Variants in RBFOX1 observed in about 807,000 individuals in gnomAD.
The protein encoded by RBFOX1 is RNA binding protein fox-1 homolog 1.
A neutral mutation model predicts 57.7 loss-of-function variants in RBFOX1; 8 were observed. The observed-to-expected ratio is 0.14, with a 90% CI of 0.08 to 0.25. The LOEUF is 0.25. RBFOX1 is among the 10% of genes least tolerant of loss of function. The pLI is 1.00. For synonymous variants in RBFOX1, 326 were observed against 222.4 expected (o/e 1.47, Z -4.15); for missense variants, 611 against 548.5 (o/e 1.11, Z -1.14).
intron 3 of RBFOX1, among the ~76,000 whole-genome samples, chr16:5,699,808 C>T (rs144031778): frequency 2.4e-4 from 36 of 152,242 alleles, no homozygotes; most frequent in African/African-American, 7.9e-4. Flanking sequence ...TTTTAGCAGA[C>T]ATTATCTTTG....
Position 6,190,854 on chromosome 16 carries a change from G to A in RBFOX1, c.-126-126141G>A, listed in dbSNP as rs570491756. Among the ~76,000 whole-genome samples the A allele has an allele frequency of 1.2e-4, 19 of 152,248 alleles. No homozygotes were observed. The East Asian group carries it at 2.9e-3, about 23-fold the overall frequency. On this transcript the variant is annotated intron_variant, in intron 1 of 15. Transcript: ENST00000550418. ...TTAAATTAGAGCCCACATTTAAACC[G>A]AGTTGGGAGAAATGTACCATATGCC...
intron 2 of RBFOX1, among the ~76,000 whole-genome samples, chr16:6,624,762 T>C (rs768359106): frequency 6.6e-6 from 1 of 152,218 alleles, no homozygotes; most frequent in African/African-American, 2.4e-5. Context: ...GCTGTTCTTA[T>C]GTCAAGTCAG....
At chr16:6,791,629 C>T (rs987533099) in intron 3 of RBFOX1, among the ~76,000 whole-genome samples, 28 of 152,082 alleles carry the variant, frequency 1.8e-4, no homozygotes, top group African/African-American at 5.8e-4. Flanking sequence ...TGTAGTGGTG[C>T]GTGCTTGTAG....
chr16:7,197,526 A>T (rs998751917), intron 4 of RBFOX1, among the ~76,000 whole-genome samples: 7 of 152,172 alleles, frequency 4.6e-5, no homozygotes, highest in Non-Finnish European at 1.0e-4. Context: ...ATGCCTTAAA[A>T]AAAGTTAAAC....
chr16:6,900,303 C>G (rs2068131836), intron 3 of RBFOX1, among the ~76,000 whole-genome samples: 1 of 152,160 alleles, frequency 6.6e-6, no homozygotes, highest in South Asian at 2.1e-4. Context: ...CCACGAATAT[C>G]CTGTTCCAAG....
At chr16:5,617,409 A>G (rs2048065529) in intron 3 of RBFOX1, among the ~76,000 whole-genome samples, 1 of 152,110 alleles carries the variant, frequency 6.6e-6, no homozygotes, top group Non-Finnish European at 1.5e-5. Context: ...TCAGCAGTCA[A>G]AGCCAGCCTT....
intron 12 of RBFOX1, among the ~76,000 whole-genome samples, chr16:7,660,592 A>G (rs1209061578): frequency 6.6e-6 from 1 of 152,236 alleles, no homozygotes; most frequent in Non-Finnish European, 1.5e-5. Flanking sequence ...AATATAACCT[A>G]GGAGGCTGAC....
chr16:6,889,145 C>G (rs957297986), intron 3 of RBFOX1, among the ~76,000 whole-genome samples: 1 of 152,200 alleles, frequency 6.6e-6, no homozygotes, highest in African/African-American at 2.4e-5. Flanking sequence ...CAATCTATTA[C>G]TGTAACATTC....
chr16:6,412,131 TAAAAA>T (rs57126566), intron 2 of RBFOX1, among the ~76,000 whole-genome samples: 98 of 133,712 alleles, frequency 7.3e-4, no homozygotes, highest in East Asian at 2.4e-3. Flanking sequence ...AGACTCCATG[TAAAAA>T]AAAAAAAACA....
At chr16:5,757,531 G>T (rs1332566599) in intron 3 of RBFOX1, among the ~76,000 whole-genome samples, 1 of 152,024 alleles carries the variant, frequency 6.6e-6, no homozygotes, top group African/African-American at 2.4e-5. Context: ...CACCCAGCCG[G>T]GTGGGAAGCT....
intron 5 of RBFOX1, among the ~76,000 whole-genome samples, chr16:7,561,938 G>A (rs1281490121): frequency 6.6e-6 from 1 of 152,046 alleles, no homozygotes; most frequent in Non-Finnish European, 1.5e-5. Context: ...GAACTTTTGT[G>A]TTAAATTGAT....
chr16:6,867,380 T>C (rs1341216392), intron 3 of RBFOX1, among the ~76,000 whole-genome samples: 2 of 151,992 alleles, frequency 1.3e-5, no homozygotes, highest in Non-Finnish European at 2.9e-5. Context: ...TAATGACCTT[T>C]ATAAACCAGA....
intron 3 of RBFOX1, among the ~76,000 whole-genome samples, chr16:5,672,874 T>C (rs1351140127): frequency 6.6e-6 from 1 of 151,950 alleles, no homozygotes; most frequent in Non-Finnish European, 1.5e-5. Context: ...TGTGTGTGTG[T>C]GTGTGTGTGT....
At chr16:6,908,275 C>T (rs555758080) in intron 3 of RBFOX1, among the ~76,000 whole-genome samples, 6 of 151,816 alleles carry the variant, frequency 4.0e-5, no homozygotes, top group South Asian at 2.1e-4. Context: ...TCCTCTCCTG[C>T]GGCTCTGGGC....
At chr16:5,489,682 G>T (rs540865288) in intron 2 of RBFOX1, among the ~76,000 whole-genome samples, 38 of 152,284 alleles carry the variant, frequency 2.5e-4, no homozygotes, top group African/African-American at 8.9e-4. Flanking sequence ...GAAGGGGTGT[G>T]CCCAGTGCTT....
At chr16:7,563,363 C>G (rs1187987323) in intron 5 of RBFOX1, among the ~76,000 whole-genome samples, 1 of 152,164 alleles carries the variant, frequency 6.6e-6, no homozygotes, top group Non-Finnish European at 1.5e-5. Flanking sequence ...TGCTGCAGTT[C>G]ACACAGATAG....
intron 3 of RBFOX1, among the ~76,000 whole-genome samples, chr16:6,985,852 A>ATTT (rs137915101): frequency 7.4e-6 from 1 of 135,640 alleles, no homozygotes; most frequent in Non-Finnish European, 1.6e-5. Context: ...AAAAAACAGA[A>ATTT]TTTTTTTTTC....
intron 4 of RBFOX1, among the ~76,000 whole-genome samples, chr16:7,305,393 G>T (rs112256069): frequency 2.6e-5 from 4 of 152,108 alleles, no homozygotes; most frequent in African/African-American, 7.2e-5. Context: ...TCTGTCATTG[G>T]GCAGGGGCAG....
chr16:6,852,020 G>A (rs1948821247), intron 3 of RBFOX1, among the ~76,000 whole-genome samples: 1 of 151,452 alleles, frequency 6.6e-6, no homozygotes, highest in South Asian at 2.1e-4. Flanking sequence ...CCATCTCCCG[G>A]GTTCATGCCA....
Sources: gnomAD v4.1 joint callset for allele counts (sites outside exome capture counted in the v4.1 genomes callset) on GRCh38, gnomAD v4.1.1 for gene constraint, MANE v1.5 for transcripts, NCBI Gene and HGNC (gene_info 2026-07-23, HGNC 2026-07-21) for gene names.